TFAP2E: variants seen among roughly 807,000 people sequenced by gnomAD.
The protein encoded by TFAP2E is transcription factor AP-2 epsilon.
A neutral mutation model predicts 37.9 loss-of-function variants in TFAP2E; 30 were observed. The observed-to-expected ratio is 0.79, with a 90% CI of 0.59 to 1.07. The LOEUF (loss-of-function observed/expected upper bound fraction) is 1.07, where lower values mean the gene tolerates loss of function less well. TFAP2E is among the 50% of genes least tolerant of loss of function. The probability of loss-of-function intolerance (pLI) is 0.00; values close to 1 mark genes in which losing one functional copy is unlikely to be tolerated. For synonymous variants in TFAP2E, 318 were observed against 295.8 expected (o/e 1.08, Z -0.77); for missense variants, 567 against 637.9 (o/e 0.89, Z 1.20).
chr1:35,574,487 A>G (rs1649112257), intron 2 of TFAP2E, 78 bp downstream of exon 2: 2 of 1,340,134 alleles, frequency 1.5e-6, no homozygotes, highest in Middle Eastern at 2.2e-4. Flanking sequence ...GAAGGTGACA[A>G]ATGCAGGAAG....
chr1:35,593,747 A>C (rs1036670945), intron 6 of TFAP2E, among the ~76,000 whole-genome samples: 1 of 152,204 alleles, frequency 6.6e-6, no homozygotes, highest in Non-Finnish European at 1.5e-5. Flanking sequence ...ATGAATGATG[A>C]GTGATTCTCT....
rs571805237 is a variant in TFAP2E at position 35,588,087 on chromosome 1, G to C, written c.563-243G>C. On this transcript the variant is annotated intron_variant, in intron 3 of 6. Transcript: ENST00000373235. The surrounding 1 kb of genome is among the most constrained non-coding windows in gnomAD (Gnocchi z 5.1). ...GCATCCGCTAAAACACCAAGATTCCGCTGGAGCTGTTTGAGTTTAAGATAG... is the reference window on the plus strand; with the variant it reads ...GCATCCGCTAAAACACCAAGATTCCCCTGGAGCTGTTTGAGTTTAAGATAG... Among the ~76,000 whole-genome samples, 2 of 152,142 alleles carry C rather than the reference G, an allele frequency of 1.3e-5. No homozygotes were observed. The highest frequency in any genetic ancestry group is 2.9e-5 in the Non-Finnish European group (2 of 68,030).
At chr1:35,593,802 G>A (rs1350153880) in intron 6 of TFAP2E, among the ~76,000 whole-genome samples, 1 of 152,214 alleles carries the variant, frequency 6.6e-6, no homozygotes, top group Admixed American at 6.5e-5. Flanking sequence ...AATAATGAAT[G>A]GCTGCAAACT....
Position 35,586,602 on chromosome 1 carries a change from C to T in TFAP2E, c.563-1728C>T, listed in dbSNP as rs1440338954. 3.3e-5 allele frequency among the ~76,000 whole-genome samples: 5 copies of T among 151,582 alleles called. No individual in the cohort carries two copies. In the East Asian group the frequency reaches 5.8e-4, roughly 18 times the overall value. ...ACAAGGCACATAAAGAAATGAAAGT[C>T]GTAGGATGGGCAGGGGTGGGAGAAA... On this transcript the variant is annotated intron_variant, in intron 3 of 6. Coordinates refer to ENST00000373235, the MANE Select transcript of TFAP2E (RefSeq NM_178548.4).
In TFAP2E at chr1:35,594,423, T is replaced by C; in HGVS notation, c.1076T>C (p.Met359Thr). The C allele has an allele frequency of 6.2e-7, 1 of 1,613,784 alleles. No individual in the cohort carries two copies. Among genetic ancestry groups the C allele is most frequent in the Non-Finnish European group, 8.5e-7 (1 of 1,179,938 alleles). The change falls in exon 7 of 7, where the codon ATG (methionine) becomes ACG (threonine). Residue 359 changes from methionine to threonine, a missense_variant. Around this residue, in one of 3 missense-constraint regions of TFAP2E, gnomAD observed 252 missense variants for 302.6 expected, o/e 0.83. Transcript: ENST00000373235. ...ATCTGCAAGGAGTTTGCAGACTTGA[T>C]GGCTCAGGACCGCTCACCGCTGGGC... ...KQICKEFADL[M>T]AQDRSPLGNS...
chr1:35,575,987 A>C lies in TFAP2E; in HGVS notation c.562+987A>C, dbSNP rs368002516. Among the ~76,000 whole-genome samples, 6 of 152,256 alleles carry C rather than the reference A, an allele frequency of 3.9e-5. No individual in the cohort carries two copies. In the East Asian group the frequency reaches 1.2e-3, roughly 29 times the overall value. ...GAGGAGCAGAGAGTCAGAGGGGCCC[A>C]GGCATTGGGTAGCAGCCTCTTTACA... On this transcript the variant is annotated intron_variant, in intron 3 of 6. Transcript: ENST00000373235.
chr1:35,592,021 C>T (rs368613665), intron 6 of TFAP2E, among the ~76,000 whole-genome samples: 1 of 152,160 alleles, frequency 6.6e-6, no homozygotes, highest in Admixed American at 6.5e-5. Flanking sequence ...GGCAAGGTGG[C>T]TCACATCTGT....
chr1:35,581,641 C>T (rs1339958192), intron 3 of TFAP2E, among the ~76,000 whole-genome samples: 4 of 151,074 alleles, frequency 2.6e-5, no homozygotes, highest in East Asian at 3.9e-4. Context: ...GAGGTGATCT[C>T]GGCTCACCGT....
In TFAP2E at chr1:35,594,864, T is replaced by C; in HGVS notation, c.*188T>C. The C allele has an allele frequency of 1.2e-6, 1 of 802,366 alleles. No individual in the cohort carries two copies. The highest frequency in any genetic ancestry group is 1.9e-6 in the Non-Finnish European group (1 of 519,306). 49.7% of individuals were successfully genotyped at this position (802,366 alleles called of 1,614,324 possible). A position where few individuals can be genotyped will look rare whatever the true frequency, so the allele number is the denominator to read the frequency against. On this transcript the variant is annotated 3_prime_UTR_variant, in exon 7 of 7. Coordinates refer to ENST00000373235, the MANE Select transcript of TFAP2E (RefSeq NM_178548.4). ...AGGGTGGCCTCTCTGTGGTGGTGTG[T>C]TGGTAAGTTAAGGGCCCAGGTATTT...
chr1:35,584,903 G>T (rs1649443388), intron 3 of TFAP2E, among the ~76,000 whole-genome samples: 1 of 152,180 alleles, frequency 6.6e-6, no homozygotes, highest in Non-Finnish European at 1.5e-5. Context: ...GTATAGTTCA[G>T]TTCGGGTTCC....
Position 35,589,493 on chromosome 1 carries a change from CGT to C in TFAP2E, c.786-417_786-416del, listed in dbSNP as rs67449985. On this transcript the variant is annotated intron_variant, in intron 4 of 6. Coordinates refer to ENST00000373235, the MANE Select transcript of TFAP2E (RefSeq NM_178548.4). Reference sequence around the variant, plus strand: ...GGTTCTATGTGTCTCTATTCTTTCACGTGTGTGTGTGTGTGTGTGTGAGAGAG... The same window carrying C: ...GGTTCTATGTGTCTCTATTCTTTCACGTGTGTGTGTGTGTGTGTGAGAGAG... Among the ~76,000 whole-genome samples, 445 of 118,086 alleles carry C rather than the reference CGT, an allele frequency of 3.8e-3. 7 individuals are homozygous for C. Among genetic ancestry groups the C allele is most frequent in the Admixed American group, 9.8e-3 (117 of 11,950 alleles). 77.5% of individuals were successfully genotyped at this position (118,086 alleles called of 152,430 possible). A position where few individuals can be genotyped will look rare whatever the true frequency, so the allele number is the denominator to read the frequency against.
chr1:35,582,436 C>G (rs1649374292), intron 3 of TFAP2E, among the ~76,000 whole-genome samples: 1 of 150,418 alleles, frequency 6.6e-6, no homozygotes, highest in Admixed American at 6.6e-5. Context: ...ATATTTTCTT[C>G]CAGTTTGTGG....
intron 3 of TFAP2E, among the ~76,000 whole-genome samples, chr1:35,587,658 A>G (rs2148551712): frequency 6.9e-6 from 1 of 144,156 alleles, no homozygotes; most frequent in Non-Finnish European, 1.5e-5. Context: ...AAAAAAAAAG[A>G]AAGAAAGAAA....
chr1:35,580,615 C>CA (rs989929788), intron 3 of TFAP2E, among the ~76,000 whole-genome samples: 10 of 151,278 alleles, frequency 6.6e-5, no homozygotes, highest in East Asian at 5.8e-4. Flanking sequence ...AAAAACAAAC[C>CA]AAAAAAAACA....
rs1191884130 is a variant in TFAP2E, at chr1:35,577,426, T to C, written c.562+2426T>C. 2.2e-6 allele frequency: 1 copy of C among 456,664 alleles called. No homozygotes were observed. The highest frequency in any genetic ancestry group is 4.4e-6 in the Non-Finnish European group (1 of 226,984). The allele number at this position is 456,664 out of a possible 1,614,324, so 28.3% of individuals were successfully genotyped here. A position where few individuals can be genotyped will look rare whatever the true frequency, so the allele number is the denominator to read the frequency against. ...CGGCCCTTCCGACGGCACGAGGAACTCCTGTCCTGCCCCACAGACCTTCGG... is the reference window on the plus strand; with the variant it reads ...CGGCCCTTCCGACGGCACGAGGAACCCCTGTCCTGCCCCACAGACCTTCGG... On this transcript the variant is annotated intron_variant, in intron 3 of 6. Coordinates refer to ENST00000373235, the MANE Select transcript of TFAP2E (RefSeq NM_178548.4). The surrounding 1 kb of genome is among the most constrained non-coding windows in gnomAD (Gnocchi z 6.3).
At chr1:35,586,388 G>A (rs1008473240) in intron 3 of TFAP2E, among the ~76,000 whole-genome samples, 14 of 152,200 alleles carry the variant, frequency 9.2e-5, no homozygotes, top group African/African-American at 3.1e-4. Context: ...TAGCTCTGGA[G>A]CTGGGATTTG....
At chr1:35,574,752 T>C in intron 2 of TFAP2E, 197 bp from the exon 3 acceptor site, 1 of 713,400 alleles carries the variant, frequency 1.4e-6, no homozygotes, top group East Asian at 2.6e-5. Context: ...AATTCCCTTT[T>C]TGCACTGCAC....
At chr1:35,582,784 C>G (rs777245834) in intron 3 of TFAP2E, among the ~76,000 whole-genome samples, 1 of 152,034 alleles carries the variant, frequency 6.6e-6, no homozygotes, top group African/African-American at 2.4e-5. Context: ...CTGAGCCTCT[C>G]GAGTAACTGG....
At chr1:35,580,780 A>T (rs940066045) in intron 3 of TFAP2E, among the ~76,000 whole-genome samples, 3 of 152,234 alleles carry the variant, frequency 2.0e-5, no homozygotes, top group African/African-American at 7.2e-5. Flanking sequence ...GCCTCAAAAA[A>T]AAAAAAGCAA....
Sources: allele counts gnomAD v4.1 joint callset (sites outside exome capture counted in the v4.1 genomes callset), GRCh38; gene constraint gnomAD v4.1.1; regional missense constraint gnomAD v4.1.1; non-coding constraint Gnocchi (gnomAD v3.1); transcripts MANE v1.5; gene names NCBI Gene and HGNC (gene_info 2026-07-23, HGNC 2026-07-21).